HERC2: variants seen among roughly 807,000 people sequenced by gnomAD.
HERC2 encodes E3 ubiquitin-protein ligase HERC2.
Under a neutral mutation model 537.7 loss-of-function variants are expected in HERC2, and 102 were observed. That is an observed-to-expected ratio of 0.19 (90% confidence interval 0.16 to 0.22). HERC2 has a LOEUF of 0.22. HERC2 is among the 10% of genes least tolerant of loss of function. HERC2 has a pLI of 1.00. For missense variants in HERC2, 4,236 were observed against 6,198.2 expected, an observed-to-expected ratio of 0.68 and a Z score of 10.63; for synonymous variants, 2,224 against 2,466.2, an observed-to-expected ratio of 0.90 and a Z score of 2.91.
chr15:28,316,781 GTTT>G (rs2077098865), intron 2 of HERC2, among the ~76,000 whole-genome samples: 1 of 151,848 alleles, frequency 6.6e-6, no homozygotes, highest in African/African-American at 2.4e-5. Context: ...TCTACTGATC[GTTT>G]TTATTTTTTT....
At chr15:28,254,728 C>G (rs909052850) in intron 19 of HERC2, among the ~76,000 whole-genome samples, 3 of 152,172 alleles carry the variant, frequency 2.0e-5, no homozygotes, top group Admixed American at 2.0e-4. Context: ...GAATCAAGGT[C>G]CAGGCTGCCT....
intron 26 of HERC2, among the ~76,000 whole-genome samples, chr15:28,235,568 G>A (rs1394634857): frequency 1.3e-5 from 2 of 152,160 alleles, no homozygotes; most frequent in Non-Finnish European, 2.9e-5. Context: ...CTCGAAAGCA[G>A]CAGGAGAGCC....
chr15:28,274,423 T>C lies in HERC2; in HGVS notation c.668A>G (p.Glu223Gly). ...RSGEDADLCS[E>G]LLQESLDALR... is the part of the protein sequence containing the mutation. The stretch of plus-strand genomic sequence containing the variant: ...GGCGTCCAGGGACTCCTGCAACAGC[T>C]CACTGCAGAGGTCCGCATCCTCGCC... The change falls in exon 7 of 93, where the codon GAG (glutamate) becomes GGG (glycine). Residue 223 changes from glutamate to glycine, a missense_variant. Coordinates refer to ENST00000261609, the MANE Select transcript of HERC2 (RefSeq NM_004667.6). 1 of 1,613,080 alleles carries C rather than the reference T, an allele frequency of 6.2e-7. No individual in the cohort carries two copies. The highest frequency in any genetic ancestry group is 2.2e-5 in the East Asian group (1 of 44,792).
rs753781536 is a variant in HERC2 at position 28,175,518 on chromosome 15, C to T, written c.9825G>A (p.Ser3275=). ...GALHCLAVTD[S]GQVYAWGDND... Reference sequence around the variant, plus strand: ...AGGCCACCTGCAGCCTTACCTGCCCCGAGTCCGTGACCGCCAGGCAGTGCA... The same window carrying T: ...AGGCCACCTGCAGCCTTACCTGCCCTGAGTCCGTGACCGCCAGGCAGTGCA... The change falls in exon 64 of 93, where the codon TCG becomes TCA. Residue 3275 remains serine (S), a synonymous_variant. Transcript: ENST00000261609. The T allele has an allele frequency of 2.9e-5, 47 of 1,611,494 alleles. No homozygotes were observed. The highest frequency in any genetic ancestry group is 5.3e-5 in the African/African-American group (4 of 74,846).
chr15:28,235,992 G>C (rs1902397482), intron 26 of HERC2, among the ~76,000 whole-genome samples: 1 of 152,202 alleles, frequency 6.6e-6, no homozygotes, highest in East Asian at 1.9e-4. Context: ...ACTGACTTGA[G>C]CCTGGTCTGG....
chr15:28,212,125 G>A (rs574740440), intron 43 of HERC2, among the ~76,000 whole-genome samples: 1 of 152,290 alleles, frequency 6.6e-6, no homozygotes, highest in South Asian at 2.1e-4. Context: ...AGGGTGACTG[G>A]GCCACAGGGC....
At chr15:28,271,608 G>T (rs1387123266) in intron 9 of HERC2, among the ~76,000 whole-genome samples, 1 of 152,078 alleles carries the variant, frequency 6.6e-6, no homozygotes, top group Non-Finnish European at 1.5e-5. Context: ...GGCCCAGCTT[G>T]CAGTGAGCCG....
intron 86 of HERC2, chr15:28,117,594 A>G: frequency 4.3e-6 from 2 of 464,000 alleles, no homozygotes; most frequent in African/African-American, 4.0e-5. Flanking sequence ...AGACCAGAAC[A>G]GACTCCCGGC....
intron 56 of HERC2, among the ~76,000 whole-genome samples, chr15:28,182,965 T>G (rs1895964556): frequency 6.6e-6 from 1 of 152,192 alleles, no homozygotes; most frequent in Non-Finnish European, 1.5e-5. Context: ...GGCCAATTAT[T>G]TTCCCACAGA....
At chr15:28,186,047 G>A (rs144332072) in intron 56 of HERC2, among the ~76,000 whole-genome samples, 6 of 152,272 alleles carry the variant, frequency 3.9e-5, no homozygotes, top group African/African-American at 1.4e-4. Context: ...AAAAATTACA[G>A]GACTGAAGAC....
rs576708286 is a variant in HERC2 at position 28,155,063 on chromosome 15, A to G, written c.10747-2233T>C. ...TAGTTTGCTGAGAATGATGGTTTCC[A>G]GCTCATCCATATCCCTACAAAGCAC... On this transcript the variant is annotated intron_variant, in intron 69 of 92. Transcript: ENST00000261609. 4.9e-4 allele frequency among the ~76,000 whole-genome samples: 75 copies of G among 151,738 alleles called. No homozygotes were observed. In the East Asian group the frequency reaches 0.01, roughly 20 times the overall value.
In HERC2 at chr15:28,238,961, A is replaced by G. The variant is rs550558057; in HGVS notation, c.3578-189T>C. Among the ~76,000 whole-genome samples, 89 of 152,350 alleles carry G rather than the reference A, an allele frequency of 5.8e-4. No homozygotes were observed. The East Asian group carries it at 0.01, about 17-fold the overall frequency. ...TAAATATAGAATGCTTTAAAAAAAA[A>G]TCTAGGCAGCATGAATACCAAATTG... On this transcript the variant is annotated intron_variant, in intron 23 of 92. Coordinates refer to ENST00000261609, the MANE Select transcript of HERC2 (RefSeq NM_004667.6).
rs1445553806 is a variant in HERC2, at chr15:28,298,174, G to A, written c.187+1228C>T. On this transcript the variant is annotated intron_variant, in intron 3 of 92. Transcript: ENST00000261609. ...TGTTTTTTGTTTTTTTTTTTTTTGA[G>A]ATGGAGTCTCACTCTGTCACCCAGG... Among the ~76,000 whole-genome samples, 5 of 145,072 alleles carry A rather than the reference G, an allele frequency of 3.4e-5. No homozygotes were observed. The South Asian group carries it at 1.1e-3, about 32-fold the overall frequency.
Position 28,116,720 on chromosome 15 carries a change from G to A in HERC2, c.13554C>T (p.Tyr4518=). ...RDESGANRDC[Y]LLSPAARAPV... Reference sequence around the variant, plus strand: ...GTGCTCTGGCGGCCGGGCTGAGCAGGTAGCAGTCTCGGTTGGCCCCAGACT... The same window carrying A: ...GTGCTCTGGCGGCCGGGCTGAGCAGATAGCAGTCTCGGTTGGCCCCAGACT... Residue 4518 remains tyrosine (Y), a synonymous_variant, in exon 88 of 93, where the codon TAC becomes TAT. Coordinates refer to ENST00000261609, the MANE Select transcript of HERC2 (RefSeq NM_004667.6). 1 of 1,613,952 alleles carries A rather than the reference G, an allele frequency of 6.2e-7. No individual in the cohort carries two copies. Among genetic ancestry groups the A allele is most frequent in the South Asian group, 1.1e-5 (1 of 91,068 alleles).
intron 2 of HERC2, among the ~76,000 whole-genome samples, chr15:28,308,645 C>G (rs2076857717): frequency 6.6e-6 from 1 of 152,224 alleles, no homozygotes; most frequent in Non-Finnish European, 1.5e-5. Context: ...AGAGGAAAGA[C>G]TTTCAGTTTT....
chr15:28,133,281 T>C (rs1198508811), intron 79 of HERC2, among the ~76,000 whole-genome samples: 3 of 152,222 alleles, frequency 2.0e-5, no homozygotes, highest in Admixed American at 2.0e-4. Flanking sequence ...GTCTATAACA[T>C]AGTGACTACT....
At position 28,143,317 on chromosome 15, in the gene HERC2, G is replaced by C. The variant is rs1255044794; in HGVS notation, c.11419-365C>G. Reference sequence around the variant, plus strand: ...GCCAATCAGTTAGCCTCATTGTAAAGTCCAATCAACACAATCCTATGTTCA... The same window carrying C: ...GCCAATCAGTTAGCCTCATTGTAAACTCCAATCAACACAATCCTATGTTCA... On this transcript the variant is annotated intron_variant, in intron 74 of 92. Transcript: ENST00000261609. Among the ~76,000 whole-genome samples the C allele has an allele frequency of 3.9e-5, 6 of 152,214 alleles. No individual in the cohort carries two copies. In the East Asian group the frequency reaches 1.2e-3, roughly 29 times the overall value.
intron 50 of HERC2, among the ~76,000 whole-genome samples, chr15:28,197,362 T>C (rs1322497054): frequency 3.3e-5 from 5 of 152,242 alleles, no homozygotes; most frequent in Admixed American, 6.5e-5. Flanking sequence ...GGAATCTCAA[T>C]AGTATCATAT....
intron 79 of HERC2, among the ~76,000 whole-genome samples, chr15:28,134,340 C>T (rs1291382340): frequency 6.6e-6 from 1 of 152,178 alleles, no homozygotes; most frequent in African/African-American, 2.4e-5. Flanking sequence ...CACTGCTAGC[C>T]TCACTTATCA....
Sources: allele counts gnomAD v4.1 joint callset (sites outside exome capture counted in the v4.1 genomes callset), GRCh38; gene constraint gnomAD v4.1.1; transcripts MANE v1.5; gene names NCBI Gene and HGNC (gene_info 2026-07-23, HGNC 2026-07-21).